PCDHA5: variants seen among roughly 807,000 people sequenced by gnomAD.
PCDHA5 encodes protocadherin alpha-5.
In PCDHA5, 43 loss-of-function variants were observed where a neutral mutation model predicts 61.6. That is an observed-to-expected ratio of 0.70 (90% CI 0.55 to 0.90). The LOEUF is 0.90. Among genes scored for constraint, PCDHA5 ranks in the 40% least tolerant of loss-of-function variants. The pLI, the probability that PCDHA5 is intolerant of heterozygous loss-of-function variation, is 0.00. For synonymous variants in PCDHA5, 627 were observed against 543.9 expected, an observed-to-expected ratio of 1.15 and a Z score of -2.13; for missense variants, 1,298 against 1,222.7, an observed-to-expected ratio of 1.06 and a Z score of -0.92.
chr5:140,935,527 C>G (rs956168876), intron 1 of PCDHA5, among the ~76,000 whole-genome samples: 4 of 152,172 alleles, frequency 2.6e-5, no homozygotes, highest in Non-Finnish European at 5.9e-5. Context: ...CATGTACAGT[C>G]AAATTATTGT....
In PCDHA5 at chr5:140,968,167, A is replaced by G. The variant is rs782252124; in HGVS notation, c.2353-10782A>G. 1.3e-4 allele frequency: 217 copies of G among 1,613,958 alleles called. 1 individual carries two copies. The highest frequency in any genetic ancestry group is 9.3e-6 in the Non-Finnish European group (11 of 1,180,038). On this transcript the variant is annotated intron_variant, in intron 1 of 3. Transcript: ENST00000529859. ...TCTCTGACATCAATGACAATCCACC[A>G]AGCTTCCTGGAGGACTCCTATTCCA...
At chr5:140,846,011 AAAAGTTATTAC>A (rs1554141096) in intron 1 of PCDHA5, among the ~76,000 whole-genome samples, 1 of 149,770 alleles carries the variant, frequency 6.7e-6, no homozygotes, top group Non-Finnish European at 1.5e-5. Flanking sequence ...AAAAAAATCT[AAAAGTTATTAC>A]GAGTTTAGGA....
rs114635096 is a variant in PCDHA5 at position 140,845,857 on chromosome 5, A to G, written c.2352+21730A>G. Among the ~76,000 whole-genome samples the G allele has an allele frequency of 6.1e-4, 91 of 149,958 alleles. 1 individual carries two copies. The highest frequency in any genetic ancestry group is 2.1e-3 in the African/African-American group (88 of 41,030). Reference sequence around the variant, plus strand: ...ATTCTTAAGAGAAAAGAAGTTAGTGATTGCAGAAAGGCAACCTAAAATGTC... The same window carrying G: ...ATTCTTAAGAGAAAAGAAGTTAGTGGTTGCAGAAAGGCAACCTAAAATGTC... On this transcript the variant is annotated intron_variant, in intron 1 of 3. Coordinates refer to ENST00000529859, the MANE Select transcript of PCDHA5 (RefSeq NM_018908.3).
rs1554214040 is a variant in PCDHA5, at chr5:140,941,214, C to CCTTCCTTTCTTTCTTTCTTTCTTTCTTT, written c.2353-37732_2353-37731insCCTTTCTTTCTTTCTTTCTTTCTTTCTT. Reference sequence around the variant, plus strand: ...TTTTTTCTTTCTTCCTTTCTTTCTTCCTTTCTTTCTTTCTTTCTTTCTTTC... The same window carrying CCTTCCTTTCTTTCTTTCTTTCTTTCTTT: ...TTTTTTCTTTCTTCCTTTCTTTCTTCCTTCCTTTCTTTCTTTCTTTCTTTCTTTCTTTCTTTCTTTCTTTCTTTCTTTC... On this transcript the variant is annotated intron_variant, in intron 1 of 3. Transcript: ENST00000529859. Among the ~76,000 whole-genome samples, 25 of 122,492 alleles carry CCTTCCTTTCTTTCTTTCTTTCTTTCTTT rather than the reference C, an allele frequency of 2.0e-4. 1 individual carries two copies. Among genetic ancestry groups the CCTTCCTTTCTTTCTTTCTTTCTTTCTTT allele is most frequent in the East Asian group, 4.6e-4 (2 of 4,322 alleles). The allele number at this position is 122,492 out of a possible 152,430, so 80.4% of individuals were successfully genotyped here.
At chr5:140,834,968 A>G in intron 1 of PCDHA5, 1 of 1,508,962 alleles carries the variant, frequency 6.6e-7, no homozygotes, top group Non-Finnish European at 9.0e-7. Flanking sequence ...TTGGACTTGT[A>G]TTACGGAAAC....
At chr5:140,876,204 G>A (rs1582266262) in intron 1 of PCDHA5, 1 of 1,613,934 alleles carries the variant, frequency 6.2e-7, no homozygotes, top group Non-Finnish European at 8.5e-7. Flanking sequence ...CGTTTGATAA[G>A]CCCAGCTATA....
chr5:140,836,436 G>A (rs1195331479), intron 1 of PCDHA5: 3 of 1,613,702 alleles, frequency 1.9e-6, no homozygotes, highest in Non-Finnish European at 2.5e-6. Context: ...GGCATCGTTG[G>A]GCATTGCAGG....
At chr5:140,834,416 CCGA>C in intron 1 of PCDHA5, 1 of 1,611,158 alleles carries the variant, frequency 6.2e-7, no homozygotes. Context: ...ACCCAGGGGG[CCGA>C]CATCTACTGC....
At position 140,884,225 on chromosome 5, in the gene PCDHA5, G is replaced by T. The variant is rs782322312; in HGVS notation, c.2352+60098G>T. 1.6e-5 allele frequency: 26 copies of T among 1,613,448 alleles called. No homozygotes were observed. The South Asian group carries it at 2.4e-4, about 15-fold the overall frequency. ...CCACCGCCTTCTGGTGCTGGTGAAG[G>T]ACCACGGTGAGCCCGCGCTGACGGC... is the stretch of plus-strand genomic sequence containing the variant. On this transcript the variant is annotated intron_variant, in intron 1 of 3. Transcript: ENST00000529859.
chr5:140,862,289 G>T (rs782742229), intron 1 of PCDHA5: 4 of 264,626 alleles, frequency 1.5e-5, no homozygotes, highest in Non-Finnish European at 3.0e-5. Context: ...TGTACAGGAG[G>T]ACGCTCCACT....
chr5:140,871,211 T>A (rs781784103), intron 1 of PCDHA5: 1 of 1,613,724 alleles, frequency 6.2e-7, no homozygotes, highest in Non-Finnish European at 8.5e-7. Flanking sequence ...ATCATCGCCA[T>A]CTGCGTGGTG....
chr5:140,986,308 A>G (rs1399323765), intron 3 of PCDHA5, among the ~76,000 whole-genome samples: 1 of 152,162 alleles, frequency 6.6e-6, no homozygotes, highest in African/African-American at 2.4e-5. Context: ...AGAGAAAATT[A>G]GCTAAATCAG....
intron 1 of PCDHA5, among the ~76,000 whole-genome samples, chr5:140,937,353 T>C (rs2091494629): frequency 6.6e-6 from 1 of 152,146 alleles, no homozygotes; most frequent in Admixed American, 6.5e-5. Context: ...ATTTATTTTA[T>C]TATTTTATCT....
intron 1 of PCDHA5, chr5:140,876,767 C>G (rs1462172871): frequency 6.2e-7 from 1 of 1,614,076 alleles, no homozygotes. Flanking sequence ...GATGGGGGCT[C>G]GCCTTCGCTG....
rs139167552 is a variant in PCDHA5, at chr5:140,939,382, C to T, written c.2353-39567C>T. On this transcript the variant is annotated intron_variant, in intron 1 of 3. Coordinates refer to ENST00000529859, the MANE Select transcript of PCDHA5 (RefSeq NM_018908.3). ...CAAAGGAGGAGGGAACACAAACATT[C>T]AGATCATAGCAAGTTTGTGTAAATC... 3.9e-5 allele frequency among the ~76,000 whole-genome samples: 6 copies of T among 152,258 alleles called. No homozygotes were observed. The East Asian group carries it at 1.2e-3, about 29-fold the overall frequency.
chr5:140,866,519 A>G (rs940195026), intron 1 of PCDHA5: 8 of 152,312 alleles, frequency 5.3e-5, no homozygotes, highest in African/African-American at 1.9e-4. Context: ...TGACTAAGCC[A>G]TGATAGAGCA....
chr5:140,926,769 G>T lies in PCDHA5; in HGVS notation c.2353-52180G>T, dbSNP rs1584462454. 7.3e-6 allele frequency: 10 copies of T among 1,360,582 alleles called. No individual in the cohort carries two copies. In the East Asian group the frequency reaches 2.4e-4, roughly 33 times the overall value. 84.3% of individuals were successfully genotyped at this position (1,360,582 alleles called of 1,614,324 possible). On this transcript the variant is annotated intron_variant, in intron 1 of 3. Coordinates refer to ENST00000529859, the MANE Select transcript of PCDHA5 (RefSeq NM_018908.3). ...TCGGCGGTCGCTGAGTATCCAGCCCGCAGCAGTGACGGCCGGCAGGAGCGT... is the reference window on the plus strand; with the variant it reads ...TCGGCGGTCGCTGAGTATCCAGCCCTCAGCAGTGACGGCCGGCAGGAGCGT...
At chr5:140,870,638 A>G in intron 1 of PCDHA5, 1 of 1,612,842 alleles carries the variant, frequency 6.2e-7, no homozygotes, top group East Asian at 2.2e-5. Flanking sequence ...GTGCACGCGG[A>G]GAGCGGCAAG....
chr5:140,975,841 G>T (rs1389959509), intron 1 of PCDHA5, among the ~76,000 whole-genome samples: 1 of 152,066 alleles, frequency 6.6e-6, no homozygotes, highest in Non-Finnish European at 1.5e-5. Context: ...TTATTCTTCA[G>T]TAATACTACA....
Sources: allele counts gnomAD v4.1 joint callset (sites outside exome capture counted in the v4.1 genomes callset), GRCh38; gene constraint gnomAD v4.1.1; transcripts MANE v1.5; gene names NCBI Gene and HGNC (gene_info 2026-07-23, HGNC 2026-07-21).